Variants in ATG7 observed in about 807,000 individuals in gnomAD.
ATG7 encodes autophagy related 7.
ATG7 carries 70 observed loss-of-function variants against 82.4 expected under a neutral mutation model. The ratio of observed to expected loss-of-function variants is 0.85; its 90% CI spans 0.70 to 1.04. The LOEUF (loss-of-function observed/expected upper bound fraction) is 1.04. ATG7 is among the 50% of genes least tolerant of loss of function. ATG7 has a pLI of 0.00. For synonymous variants in ATG7, 287 were observed against 313.0 expected (o/e 0.92, Z 0.88); for missense variants, 792 against 864.3 (o/e 0.92, Z 1.05).
downstream of ATG7, among the ~76,000 whole-genome samples, chr3:11,562,155 C>A (rs1223482783): frequency 1.3e-5 from 2 of 152,130 alleles, no homozygotes; most frequent in African/African-American, 2.4e-5. Context: ...CCTCAACCCC[C>A]CAAAGGGCTG....
chr3:11,487,288 C>T (rs1337530391), intron 20 of ATG7, among the ~76,000 whole-genome samples: 1 of 71,352 alleles, frequency 1.4e-5, no homozygotes, highest in Admixed American at 1.1e-4. Flanking sequence ...CCCACCTTTC[C>T]CGCCTTTCTA....
chr3:11,519,277 C>T (rs2092368403), intron 20 of ATG7, among the ~76,000 whole-genome samples: 1 of 152,092 alleles, frequency 6.6e-6, no homozygotes, highest in African/African-American at 2.4e-5. Flanking sequence ...ATGTAAGGAA[C>T]TTGGGTACTA....
intron 9 of ATG7, among the ~76,000 whole-genome samples, chr3:11,322,034 G>A (rs1392537713): frequency 6.6e-6 from 1 of 152,148 alleles, no homozygotes; most frequent in Non-Finnish European, 1.5e-5. Flanking sequence ...AGTTTTACCA[G>A]TTCACTGATG....
At chr3:11,272,462 G>A (rs1417286517) in intron 1 of ATG7, 32 bp downstream of exon 1, 2 of 152,624 alleles carry the variant, frequency 1.3e-5, no homozygotes, top group Non-Finnish European at 2.9e-5. Context: ...AGGGTGTAGT[G>A]GGGTCTTGCT....
chr3:11,496,205 C>T (rs1326987300), intron 20 of ATG7, among the ~76,000 whole-genome samples: 1 of 152,198 alleles, frequency 6.6e-6, no homozygotes, highest in Non-Finnish European at 1.5e-5. Flanking sequence ...ATTGGCAAGG[C>T]CAAGTTAAAC....
chr3:11,306,839 C>T, intron 5 of ATG7, 104 bp from the exon 6 acceptor site: 2 of 809,938 alleles, frequency 2.5e-6, no homozygotes, highest in South Asian at 1.6e-5. Flanking sequence ...TCTGTTTGCC[C>T]TGCAGAGCAA....
intron 19 of ATG7, among the ~76,000 whole-genome samples, chr3:11,417,805 A>ATTTTTTTTTTTT (rs200364263): frequency 5.7e-4 from 30 of 52,746 alleles, no homozygotes; most frequent in Non-Finnish European, 9.5e-4. Context: ...TTATTATTTT[A>ATTTTTTTTTTTT]TTTTATTTTA....
intron 16 of ATG7, among the ~76,000 whole-genome samples, chr3:11,361,468 A>G (rs1247903350): frequency 3.3e-5 from 5 of 151,976 alleles, no homozygotes; most frequent in Non-Finnish European, 1.5e-5. Context: ...TATTTTTAGT[A>G]GAGACGGGGT....
At chr3:11,293,579 G>A (rs181702834) in intron 3 of ATG7, among the ~76,000 whole-genome samples, 3 of 151,424 alleles carry the variant, frequency 2.0e-5, no homozygotes, top group Admixed American at 1.3e-4. Flanking sequence ...CGGGCGGGGT[G>A]GCTCACATCT....
chr3:11,395,750 C>T (rs1489149889), intron 19 of ATG7, among the ~76,000 whole-genome samples: 1 of 151,770 alleles, frequency 6.6e-6, no homozygotes, highest in Admixed American at 6.6e-5. Context: ...ACCATCCTGG[C>T]TAACACGGTG....
At chr3:11,390,031 G>A (rs979783997) in intron 19 of ATG7, among the ~76,000 whole-genome samples, 1 of 152,228 alleles carries the variant, frequency 6.6e-6, no homozygotes, top group Non-Finnish European at 1.5e-5. Context: ...TGAAGGGAGA[G>A]GGTAACGAAA....
At chr3:11,474,880 C>T (rs1574878411) in intron 20 of ATG7, among the ~76,000 whole-genome samples, 1 of 151,748 alleles carries the variant, frequency 6.6e-6, no homozygotes, top group Admixed American at 6.6e-5. Flanking sequence ...AGTGGGGGGC[C>T]GGAGCCAGTA....
chr3:11,364,926 C>G (rs920291475), intron 18 of ATG7, among the ~76,000 whole-genome samples, 192 bp downstream of exon 18: 1 of 152,186 alleles, frequency 6.6e-6, no homozygotes, highest in Non-Finnish European at 1.5e-5. Context: ...GAGGAAATCA[C>G]GAACGAGAAG....
At chr3:11,535,199 C>A (rs1339472614) in intron 20 of ATG7, among the ~76,000 whole-genome samples, 1 of 152,230 alleles carries the variant, frequency 6.6e-6, no homozygotes. Context: ...TGAGCCTTAG[C>A]TGAGTGCCCA....
rs904427400 is a variant in ATG7 at position 11,483,582 on chromosome 3, C to T, written c.2079+56656C>T. ...GGAATGTGATGAGCAGGTTATTTTA[C>T]AGGAGGTACACAGAAAGCCCCCATT... On this transcript the variant is annotated intron_variant, in intron 20 of 20. Transcript: ENST00000693202. Among the ~76,000 whole-genome samples the T allele has an allele frequency of 1.9e-4, 29 of 152,312 alleles. No homozygotes were observed. In the East Asian group the frequency reaches 3.3e-3, roughly 17 times the overall value.
chr3:11,428,189 T>A (rs538345653), intron 20 of ATG7, among the ~76,000 whole-genome samples: 2 of 152,314 alleles, frequency 1.3e-5, no homozygotes, highest in South Asian at 4.1e-4. Context: ...ATTGCATGGG[T>A]GCAAAGATCT....
chr3:11,492,246 T>C (rs941339541), intron 20 of ATG7, among the ~76,000 whole-genome samples: 6 of 152,198 alleles, frequency 3.9e-5, no homozygotes, highest in Admixed American at 3.3e-4. Context: ...CTGTCACCCC[T>C]TTCTTTGACT....
chr3:11,464,732 G>A (rs2086662447), intron 20 of ATG7, among the ~76,000 whole-genome samples: 3 of 152,204 alleles, frequency 2.0e-5, no homozygotes, highest in African/African-American at 7.2e-5. Flanking sequence ...AGAGGGGACA[G>A]GGCTTTTACC....
chr3:11,389,545 G>A (rs1419699632), intron 19 of ATG7, among the ~76,000 whole-genome samples: 1 of 149,732 alleles, frequency 6.7e-6, no homozygotes, highest in Non-Finnish European at 1.5e-5. Context: ...TGAATTTACA[G>A]CCATCATACT....
Sources: gnomAD v4.1 joint callset for allele counts (sites outside exome capture counted in the v4.1 genomes callset) on GRCh38, gnomAD v4.1.1 for gene constraint, MANE v1.5 for transcripts, NCBI Gene and HGNC (gene_info 2026-07-23, HGNC 2026-07-21) for gene names.